GAGE10: variants seen among roughly 807,000 people sequenced by gnomAD.
GAGE10 encodes G antigen 10.
Under a neutral mutation model 11.5 loss-of-function variants are expected in GAGE10, and 9 were observed. The observed-to-expected ratio is 0.78, with a 90% confidence interval of 0.47 to 1.37. The LOEUF (loss-of-function observed/expected upper bound fraction) is 1.37. Ranked by LOEUF, GAGE10 falls within the 40% of genes most tolerant of loss-of-function variation. The pLI, the probability that GAGE10 is intolerant of heterozygous loss-of-function variation, is 0.00. For missense variants in GAGE10, 83 were observed against 92.9 expected, an observed-to-expected ratio of 0.89 and a Z score of 0.44; for synonymous variants, 23 against 29.7, an observed-to-expected ratio of 0.77 and a Z score of 0.73.
At chrX:49,311,113 T>G (rs2066375271) in intron 3 of GAGE10, among the ~76,000 whole-genome samples, 1 of 111,333 alleles carries the variant, frequency 9.0e-6, no homozygotes, top group African/African-American at 3.3e-5. Flanking sequence ...GAACCAGGTG[T>G]ATAGGCTGAG....
At chrX:49,308,180 G>C (rs1569531484) in intron 3 of GAGE10, among the ~76,000 whole-genome samples, 1 of 112,660 alleles carries the variant, frequency 8.9e-6, no homozygotes, top group Non-Finnish European at 1.9e-5. Context: ...TCCTTTGGAT[G>C]TTAATCTGAC....
intron 3 of GAGE10, among the ~76,000 whole-genome samples, chrX:49,306,632 G>A (rs2066358075): frequency 9.0e-6 from 1 of 110,995 alleles, no homozygotes; most frequent in African/African-American, 3.3e-5. Flanking sequence ...ACTGCTCTCG[G>A]TACTCTATGG....
chrX:49,306,031 T>C (rs782327152), intron 3 of GAGE10, among the ~76,000 whole-genome samples: 7 of 112,021 alleles, frequency 6.2e-5, no homozygotes, highest in Non-Finnish European at 1.3e-4. Context: ...GATGTTTTTA[T>C]ATGGTACATT....
chrX:49,317,245 G>C lies in GAGE10; in HGVS notation c.285G>C (p.Glu95Asp). ...GTGGAGATGGTCCTGATGGCCAGGA[G>C]ATGGGCCTGCCAAATCCAGAGGAGG... ...CECGDGPDGQ[E>D]MGLPNPEEVK... The change falls in exon 4 of 5, where the codon GAG (glutamate) becomes GAC (aspartate). Residue 95 changes from glutamate to aspartate, a missense_variant. Physicochemically the swap from Glu to Asp is conservative, Grantham distance 45 (BLOSUM62 2). This residue lies in a region of GAGE10 where 66 missense variants were observed against 35.4 expected (regional missense o/e 1.87). Coordinates refer to ENST00000407599, the MANE Select transcript of GAGE10 (RefSeq NM_001098413.4). 1 of 1,208,454 alleles carries C rather than the reference G, an allele frequency of 8.3e-7. No individual in the cohort carries two copies. The highest frequency in any genetic ancestry group is 1.1e-6 in the Non-Finnish European group (1 of 893,298).
rs147257612 is a variant in GAGE10, at chrX:49,304,139, C to T, written c.-9+386C>T. On this transcript the variant is annotated intron_variant, in intron 1 of 4. Coordinates refer to ENST00000407599, the MANE Select transcript of GAGE10 (RefSeq NM_001098413.4). ...CAGGGGAGATCCCTGAATGAGGTCCCGGACAGGTGCGAGGAGGGCGATAAA... is the reference window on the plus strand; with the variant it reads ...CAGGGGAGATCCCTGAATGAGGTCCTGGACAGGTGCGAGGAGGGCGATAAA... 5.8e-4 allele frequency among the ~76,000 whole-genome samples: 65 copies of T among 111,676 alleles called. No homozygotes were observed. The South Asian group carries it at 9.4e-3, about 16-fold the overall frequency.
At chrX:49,316,467 G>T (rs181271852) in intron 3 of GAGE10, among the ~76,000 whole-genome samples, 56 of 111,479 alleles carry the variant, frequency 5.0e-4, no homozygotes, top group African/African-American at 1.8e-3. Flanking sequence ...AACTGGGTCG[G>T]TGCACCTAAA....
In GAGE10 at chrX:49,307,092, A is replaced by G. The variant is rs373486661; in HGVS notation, c.202+1568A>G. On this transcript the variant is annotated intron_variant, in intron 3 of 4. Coordinates refer to ENST00000407599, the MANE Select transcript of GAGE10 (RefSeq NM_001098413.4). ...TTTTTACTGTATCTATTTTCAAGGC[A>G]TAACATTATGGAAAATTTGCAAGAA... Among the ~76,000 whole-genome samples, 36 of 112,017 alleles carry G rather than the reference A, an allele frequency of 3.2e-4. No individual in the cohort carries two copies. The South Asian group carries it at 5.2e-3, about 16-fold the overall frequency.
chrX:49,309,785 A>T (rs782171356), intron 3 of GAGE10, among the ~76,000 whole-genome samples: 1 of 111,408 alleles, frequency 9.0e-6, no homozygotes, highest in Non-Finnish European at 1.9e-5. Flanking sequence ...AAGTTCAAAG[A>T]GATACAGGCT....
intron 3 of GAGE10, among the ~76,000 whole-genome samples, chrX:49,311,670 C>T (rs1410987097): frequency 8.9e-6 from 1 of 112,390 alleles, no homozygotes; most frequent in Non-Finnish European, 1.9e-5. Context: ...CAAGCCCTGG[C>T]GCTAGGGTTG....
Position 49,317,036 on chromosome X carries a change from T to G in GAGE10, c.203-127T>G, listed in dbSNP as rs142548050. 8.9e-4 allele frequency: 777 copies of G among 872,568 alleles called. 3 individuals carry two copies. The African/African-American group carries it at 0.014, about 16-fold the overall frequency. 71.9% of individuals were successfully genotyped at this position (872,568 alleles called of 1,213,427 possible). A position where few individuals can be genotyped will look rare whatever the true frequency, so the allele number is the denominator to read the frequency against. ...TCCTGAAATAATGTTCATGGGATTC[T>G]TATCAACATATTTATTATTATACTA... On this transcript the variant is annotated intron_variant, in intron 3 of 4. Coordinates refer to ENST00000407599, the MANE Select transcript of GAGE10 (RefSeq NM_001098413.4).
intron 3 of GAGE10, among the ~76,000 whole-genome samples, chrX:49,307,580 G>A (rs2147985306): frequency 9.0e-6 from 1 of 110,869 alleles, no homozygotes; most frequent in Non-Finnish European, 1.9e-5. Flanking sequence ...CCAGGTTGAA[G>A]GGATTCTCTT....
chrX:49,316,259 T>A (rs1246251397), intron 3 of GAGE10, among the ~76,000 whole-genome samples: 1 of 112,118 alleles, frequency 8.9e-6, no homozygotes, highest in Non-Finnish European at 1.9e-5. Context: ...GTAAGGTCAC[T>A]AGACAGATAA....
intron 3 of GAGE10, among the ~76,000 whole-genome samples, chrX:49,306,070 G>T (rs1477826869): frequency 1.7e-4 from 19 of 111,933 alleles, no homozygotes; most frequent in African/African-American, 5.5e-4. Context: ...TGAGGATACT[G>T]CCATACAGGT....
At chrX:49,317,124 T>C in intron 3 of GAGE10, 39 bp from the exon 4 acceptor site, 1 of 1,167,285 alleles carries the variant, frequency 8.6e-7, no homozygotes, top group Non-Finnish European at 1.2e-6. Flanking sequence ...ATATTTCATG[T>C]TTTACTGCTT....
At chrX:49,317,327 G>C in intron 4 of GAGE10, 39 bp downstream of exon 4, 1 of 1,173,342 alleles carries the variant, frequency 8.5e-7, no homozygotes, top group Admixed American at 2.2e-5. Context: ...TAGGGTGTCT[G>C]TTTCCACAGT....
chrX:49,312,261 T>G (rs782348470), intron 3 of GAGE10, among the ~76,000 whole-genome samples: 1 of 112,462 alleles, frequency 8.9e-6, no homozygotes, highest in South Asian at 3.7e-4. Context: ...GGCTCAAGCC[T>G]TACCTTCTGG....
chrX:49,313,264 G>C (rs782308841), intron 3 of GAGE10, among the ~76,000 whole-genome samples: 1 of 111,967 alleles, frequency 8.9e-6, no homozygotes, highest in African/African-American at 3.2e-5. Context: ...ACAGAGTTCA[G>C]GGAAGGTGGA....
intron 1 of GAGE10, among the ~76,000 whole-genome samples, chrX:49,304,419 C>G (rs1312705008): frequency 8.9e-6 from 1 of 112,739 alleles, no homozygotes; most frequent in Admixed American, 9.3e-5. Context: ...CATGTGGAGT[C>G]CACTTGTGAA....
At chrX:49,316,423 CTTTG>C (rs1391074606) in intron 3 of GAGE10, among the ~76,000 whole-genome samples, 1 of 112,163 alleles carries the variant, frequency 8.9e-6, no homozygotes, top group Non-Finnish European at 1.9e-5. Flanking sequence ...TAGCTTCACT[CTTTG>C]TTTGGGGCTC....
Sources: allele counts gnomAD v4.1 joint callset (sites outside exome capture counted in the v4.1 genomes callset), GRCh38; gene constraint gnomAD v4.1.1; regional missense constraint gnomAD v4.1.1; transcripts MANE v1.5; gene names NCBI Gene and HGNC (gene_info 2026-07-23, HGNC 2026-07-21).